Variants in OSBPL5 observed in about 807,000 individuals in gnomAD.
OSBPL5 encodes oxysterol binding protein like 5, also known as oxysterol-binding protein-related protein 5.
A neutral mutation model predicts 111.2 loss-of-function variants in OSBPL5; 71 were observed. The observed-to-expected ratio is 0.64, with a 90% CI of 0.53 to 0.78. The LOEUF (loss-of-function observed/expected upper bound fraction) is 0.78, where lower values mean the gene tolerates loss of function less well. Among genes scored for constraint, OSBPL5 ranks in the 30% least tolerant of loss-of-function variants. The pLI, the probability that OSBPL5 is intolerant of heterozygous loss-of-function variation, is 0.00. For synonymous variants in OSBPL5, 549 were observed against 513.9 expected, an observed-to-expected ratio of 1.07 and a Z score of -0.93; for missense variants, 1,210 against 1,189.3, an observed-to-expected ratio of 1.02 and a Z score of -0.26.
intron 1 of OSBPL5, among the ~76,000 whole-genome samples, chr11:3,131,854 AAACCATCCATCCATCCATCCATC>A (rs1845809776): frequency 6.7e-5 from 1 of 14,974 alleles, no homozygotes; most frequent in Non-Finnish European, 1.2e-4. Flanking sequence ...TCCACCCACC[AAACCATCCATCCATCCATCCATC>A]CACCCATCCA....
chr11:3,129,537 C>T (rs1858753260), intron 1 of OSBPL5, among the ~76,000 whole-genome samples: 1 of 152,134 alleles, frequency 6.6e-6, no homozygotes, highest in African/African-American at 2.4e-5. Flanking sequence ...TCCCGCATTT[C>T]CCTCCCACGT....
rs1283109407 is a variant in OSBPL5, at chr11:3,146,925, G to C, written c.-21-17756C>G. On this transcript the variant is annotated intron_variant, in intron 1 of 21. Transcript: ENST00000263650. The surrounding 1 kb of genome is among the most constrained non-coding windows in gnomAD (Gnocchi z 7.8). ...CAGCTCTGGTCTTCACGAGGGGCTG[G>C]GATTTTAGAGGTGGCTCAGCTGAGG... 6.6e-6 allele frequency among the ~76,000 whole-genome samples: 1 copy of C among 152,124 alleles called. No individual in the cohort carries two copies. Among genetic ancestry groups the C allele is most frequent in the Non-Finnish European group, 1.5e-5 (1 of 68,026 alleles).
intron 1 of OSBPL5, among the ~76,000 whole-genome samples, chr11:3,147,384 G>A (rs1231391851): frequency 1.3e-5 from 2 of 152,252 alleles, no homozygotes; most frequent in African/African-American, 2.4e-5. Context: ...GACCTCAAGC[G>A]GCCTGGGTCG....
intron 14 of OSBPL5, among the ~76,000 whole-genome samples, chr11:3,095,440 G>A (rs781106879): frequency 6.6e-6 from 1 of 152,136 alleles, no homozygotes; most frequent in Admixed American, 6.5e-5. Flanking sequence ...TCGATTTGAG[G>A]TCTAGTGTAG....
chr11:3,125,781 GGT>G (rs1858597034), intron 3 of OSBPL5, among the ~76,000 whole-genome samples: 1 of 148,138 alleles, frequency 6.8e-6, no homozygotes. Context: ...CTCCAGCCTG[GGT>G]GACAGAGCGA....
chr11:3,102,513 A>C (rs1369151327), intron 11 of OSBPL5, among the ~76,000 whole-genome samples: 1 of 152,114 alleles, frequency 6.6e-6, no homozygotes, highest in African/African-American at 2.4e-5. Context: ...TCCACTTCTT[A>C]GCTCGGAGAA....
Position 3,107,603 on chromosome 11 carries a change from G to A in OSBPL5, c.867-148C>T, listed in dbSNP as rs898120639. ...ACCCACATTTGACACGATCAGCCCC[G>A]TTTTAGAGGAAGGAACCGAGGCTCC... On this transcript the variant is annotated intron_variant, in intron 8 of 21. Transcript: ENST00000263650. This position sits in a 1 kb window ranked among gnomAD's most constrained non-coding sequence, Gnocchi z 6.1. 1.0e-5 allele frequency: 14 copies of A among 1,356,148 alleles called. No individual in the cohort carries two copies. Among genetic ancestry groups the A allele is most frequent in the Middle Eastern group, 1.9e-4 (1 of 5,284 alleles). The allele number at this position is 1,356,148 out of a possible 1,614,324, so 84.0% of individuals were successfully genotyped here.
intron 11 of OSBPL5, 36 bp downstream of exon 11, chr11:3,103,203 C>T: frequency 6.4e-7 from 1 of 1,554,300 alleles, no homozygotes; most frequent in Non-Finnish European, 8.7e-7. Context: ...GACTCCTGGG[C>T]CGGAGCCCCA....
At chr11:3,133,286 AC>A (rs989694274) in intron 1 of OSBPL5, among the ~76,000 whole-genome samples, 1 of 152,124 alleles carries the variant, frequency 6.6e-6, no homozygotes, top group Non-Finnish European at 1.5e-5. Flanking sequence ...CCTGATGGGA[AC>A]CCCCCATGAG....
chr11:3,094,057 G>A (rs2134388268), intron 15 of OSBPL5, among the ~76,000 whole-genome samples, 180 bp downstream of exon 15: 1 of 152,302 alleles, frequency 6.6e-6, no homozygotes, highest in Admixed American at 6.5e-5. Context: ...CTGCTGTGTG[G>A]CTGCAGGCAG....
chr11:3,112,098 CAT>C (rs201834933), intron 7 of OSBPL5, among the ~76,000 whole-genome samples: 16,704 of 128,346 alleles, frequency 0.13, 1,101 homozygotes, highest in African/African-American at 0.24. Context: ...TGTGTGTGTG[CAT>C]ATGTGTGTGT....
intron 1 of OSBPL5, among the ~76,000 whole-genome samples, chr11:3,147,649 T>C (rs11025612): frequency 0.32 from 49,050 of 152,086 alleles, 8,672 homozygotes; most frequent in African/African-American, 0.47. Flanking sequence ...CCCTTGGGAC[T>C]AAAACCCCCT....
chr11:3,143,784 C>A (rs2134519139), intron 1 of OSBPL5, among the ~76,000 whole-genome samples: 1 of 152,316 alleles, frequency 6.6e-6, no homozygotes, highest in African/African-American at 2.4e-5. Context: ...CCAGATGATC[C>A]TGGAGCCCTG....
intron 7 of OSBPL5, 79 bp from the exon 8 acceptor site, chr11:3,108,024 C>T (rs1273712175): frequency 9.2e-6 from 14 of 1,521,610 alleles, no homozygotes; most frequent in African/African-American, 1.4e-5. Flanking sequence ...CCAGGAGGCT[C>T]CCCCTCACTC....
chr11:3,110,383 C>T lies in OSBPL5; in HGVS notation c.692-2438G>A, dbSNP rs1857879378. On this transcript the variant is annotated intron_variant, in intron 7 of 21. Transcript: ENST00000263650. The surrounding 1 kb of genome is among the most constrained non-coding windows in gnomAD (Gnocchi z 5.3). ...GAGGGAATCCCTCCAGGTGGAGGAT[C>T]ATCGCAGTCACAGCTGCCTGAGCGG... 6.6e-6 allele frequency among the ~76,000 whole-genome samples: 1 copy of T among 152,222 alleles called. No homozygotes were observed. Among genetic ancestry groups the T allele is most frequent in the Non-Finnish European group, 1.5e-5 (1 of 68,028 alleles).
chr11:3,132,731 G>C (rs547748181), intron 1 of OSBPL5, among the ~76,000 whole-genome samples: 1 of 152,194 alleles, frequency 6.6e-6, no homozygotes, highest in Non-Finnish European at 1.5e-5. Context: ...TCTGGGAGTC[G>C]ATTCAGATTC....
chr11:3,107,208 A>C lies in OSBPL5; in HGVS notation c.1059+55T>G, dbSNP rs1169889058. On this transcript the variant is annotated intron_variant, in intron 9 of 21. Coordinates refer to ENST00000263650, the MANE Select transcript of OSBPL5 (RefSeq NM_020896.4). This position sits in a 1 kb window ranked among gnomAD's most constrained non-coding sequence, Gnocchi z 6.1. ...GAGGCATGGCTACCTCTGCTTCCGGAACAAGGGGCCGAGGCAGGGGAGACG... is the reference window on the plus strand; with the variant it reads ...GAGGCATGGCTACCTCTGCTTCCGGCACAAGGGGCCGAGGCAGGGGAGACG... 1.7e-5 allele frequency: 26 copies of C among 1,572,526 alleles called. No homozygotes were observed. The African/African-American group carries it at 3.4e-4, about 21-fold the overall frequency.
intron 1 of OSBPL5, among the ~76,000 whole-genome samples, chr11:3,159,189 G>C (rs1053701421): frequency 6.6e-6 from 1 of 152,196 alleles, no homozygotes; most frequent in Non-Finnish European, 1.5e-5. Context: ...ATGAGGGTCG[G>C]TTTCTGCCCA....
Position 3,092,852 on chromosome 11 carries a change from T to C in OSBPL5, c.2132+15A>G. On this transcript the variant is annotated intron_variant, in intron 18 of 21. Coordinates refer to ENST00000263650, the MANE Select transcript of OSBPL5 (RefSeq NM_020896.4). This position sits in a 1 kb window ranked among gnomAD's most constrained non-coding sequence, Gnocchi z 5.4. ...AGCCCCACCCTGTGGCCCCCAGGGC[T>C]TTGTCGGCACTCACTCCTCGTATCG... 6.6e-7 allele frequency: 1 copy of C among 1,516,710 alleles called. No individual in the cohort carries two copies. 94.0% of individuals were successfully genotyped at this position (1,516,710 alleles called of 1,614,324 possible). A position where few individuals can be genotyped will look rare whatever the true frequency, so the allele number is the denominator to read the frequency against.
Sources: allele counts gnomAD v4.1 joint callset (sites outside exome capture counted in the v4.1 genomes callset), GRCh38; gene constraint gnomAD v4.1.1; non-coding constraint Gnocchi (gnomAD v3.1); transcripts MANE v1.5; gene names NCBI Gene and HGNC (gene_info 2026-07-23, HGNC 2026-07-21).